The following MYO18B variants were observed in gnomAD, a reference collection of about 807,000 sequenced individuals.
MYO18B encodes the protein myosin XVIIIB.
In MYO18B, 204 loss-of-function variants were observed where a neutral mutation model predicts 273.0. The observed-to-expected ratio is 0.75, with a 90% CI of 0.67 to 0.84. The LOEUF (loss-of-function observed/expected upper bound fraction) is 0.84. Ranked by LOEUF, MYO18B falls within the 40% of genes least tolerant of loss-of-function variation. The pLI is 0.00. For synonymous variants in MYO18B, 1,330 were observed against 1,305.7 expected (o/e 1.02, Z -0.40); for missense variants, 3,212 against 3,287.6 (o/e 0.98, Z 0.56).
At position 25,763,274 on chromosome 22, in the gene MYO18B, C is replaced by T; in HGVS notation, c.83C>T (p.Pro28Leu). The T allele has an allele frequency of 6.2e-7, 1 of 1,612,178 alleles. No individual in the cohort carries two copies. Among genetic ancestry groups the T allele is most frequent in the Non-Finnish European group, 8.5e-7 (1 of 1,179,238 alleles). The change falls in exon 3 of 44, where the codon CCT becomes CTT. Residue 28 changes from proline (P) to leucine (L), a missense_variant. By Grantham distance (98) the Pro-to-Leu change is moderately conservative. Transcript: ENST00000335473. ...AGCCCTCCACCATCCTCGCCCCCTC[C>T]TCTTTTCTCTGTCATCCCAGGGGGC... ...DKSPPPSSPP[P>L]LFSVIPGGFI...
At chr22:25,972,122 A>T (rs2093041752) in intron 39 of MYO18B, among the ~76,000 whole-genome samples, 1 of 151,346 alleles carries the variant, frequency 6.6e-6, no homozygotes, top group Non-Finnish European at 1.5e-5. Flanking sequence ...CAAAAAAAAA[A>T]ATACATACAT....
In MYO18B at chr22:26,027,476, A is replaced by G; in HGVS notation, c.7502A>G (p.Asp2501Gly). 1 of 1,613,886 alleles carries G rather than the reference A, an allele frequency of 6.2e-7. No individual in the cohort carries two copies. Among genetic ancestry groups the G allele is most frequent in the Non-Finnish European group, 8.5e-7 (1 of 1,179,860 alleles). ...ILKKSPEPKE[D>G]PAHLSDSSSS... is the part of the protein sequence containing the mutation. Reference sequence around the variant, plus strand: ...AAGAAGAGCCCGGAGCCCAAGGAGGATCCCGCTCACCTGTCTGACTCGTCC... The same window carrying G: ...AAGAAGAGCCCGGAGCCCAAGGAGGGTCCCGCTCACCTGTCTGACTCGTCC... The change falls in exon 43 of 44, where the codon GAT (aspartate) becomes GGT (glycine). Residue 2501 changes from aspartate (D) to glycine (G), a missense_variant. Asp to Gly is a moderately conservative substitution (Grantham distance 94). Transcript: ENST00000335473. The surrounding 1 kb of genome is among the most constrained non-coding windows in gnomAD (Gnocchi z 4.1).
chr22:25,928,679 G>A lies in MYO18B; in HGVS notation c.5517+7270G>A, dbSNP rs189672852. ...TCCTGATACAATACAGAAGACTCCTGAAAGCCATATATAGGATTCAAATCC... is the reference window on the plus strand; with the variant it reads ...TCCTGATACAATACAGAAGACTCCTAAAAGCCATATATAGGATTCAAATCC... On this transcript the variant is annotated intron_variant, in intron 34 of 43. Transcript: ENST00000335473. 2.5e-3 allele frequency among the ~76,000 whole-genome samples: 373 copies of A among 152,232 alleles called. 1 individual carries two copies. Among genetic ancestry groups the A allele is most frequent in the African/African-American group, 8.2e-3 (339 of 41,532 alleles).
downstream of MYO18B, among the ~76,000 whole-genome samples, chr22:26,032,376 G>A (rs1224186728): frequency 1.3e-5 from 2 of 152,036 alleles, no homozygotes; most frequent in Non-Finnish European, 2.9e-5. Flanking sequence ...GTAGATAGTC[G>A]CTTTCTTGCT....
intron 34 of MYO18B, among the ~76,000 whole-genome samples, chr22:25,930,006 C>T (rs2092475173): frequency 6.6e-6 from 1 of 152,190 alleles, no homozygotes; most frequent in Non-Finnish European, 1.5e-5. Flanking sequence ...CACCTACCCT[C>T]CTGTCACCCC....
intron 39 of MYO18B, among the ~76,000 whole-genome samples, chr22:25,985,505 T>A (rs537095088): frequency 6.6e-6 from 1 of 152,230 alleles, no homozygotes; most frequent in African/African-American, 2.4e-5. Context: ...TACATTTGGG[T>A]TTTCTTAGGG....
chr22:25,827,204 G>A (rs866303295), intron 14 of MYO18B, among the ~76,000 whole-genome samples: 1 of 152,100 alleles, frequency 6.6e-6, no homozygotes, highest in Non-Finnish European at 1.5e-5. Flanking sequence ...TACTCACATG[G>A]GCCCATTGTA....
downstream of MYO18B, among the ~76,000 whole-genome samples, chr22:26,031,702 C>T (rs1936671730): frequency 6.6e-6 from 1 of 152,196 alleles, no homozygotes; most frequent in African/African-American, 2.4e-5. Flanking sequence ...CATCTCTGAT[C>T]ATCCTCACTA....
intron 3 of MYO18B, 62 bp downstream of exon 3, chr22:25,763,451 G>A: frequency 6.5e-7 from 1 of 1,543,452 alleles, no homozygotes; most frequent in East Asian, 2.3e-5. Context: ...TGTCTTGTGA[G>A]CTTCCTCTGA....
chr22:25,803,543 G>A (rs1046892232), intron 12 of MYO18B, among the ~76,000 whole-genome samples: 15 of 152,096 alleles, frequency 9.9e-5, no homozygotes, highest in East Asian at 1.9e-4. Flanking sequence ...GAGGCAGAGC[G>A]GTTCTGTGAT....
chr22:26,027,013 C>T lies in MYO18B; in HGVS notation c.7039C>T (p.Gln2347Ter), dbSNP rs572116317. ...TTLLPEKSKT[Q>*]FSSCESLLES... Reference sequence around the variant, plus strand: ...CCTACTCCCCGAAAAGTCGAAAACCCAATTCAGTTCCTGCGAGTCCCTCTT... The same window carrying T: ...CCTACTCCCCGAAAAGTCGAAAACCTAATTCAGTTCCTGCGAGTCCCTCTT... The change falls in exon 43 of 44, where the codon CAA (glutamine) becomes TAA (stop). Residue 2347 changes from glutamine to a stop codon, truncating the protein, a stop_gained. Coordinates refer to ENST00000335473, the MANE Select transcript of MYO18B (RefSeq NM_032608.7). LOFTEE classifies it low-confidence loss of function (END_TRUNC). This position sits in a 1 kb window ranked among gnomAD's most constrained non-coding sequence, Gnocchi z 4.1. The T allele has an allele frequency of 1.9e-6, 3 of 1,613,982 alleles. No individual in the cohort carries two copies. The highest frequency in any genetic ancestry group is 2.2e-5 in the East Asian group (1 of 44,870).
the MYO18B span, among the ~76,000 whole-genome samples, chr22:26,058,668 G>A: frequency 1.3e-5 from 2 of 152,080 alleles, no homozygotes; most frequent in Non-Finnish European, 2.9e-5. Context: ...CTTCCTGCAA[G>A]CGCTGGTTGT....
intron 37 of MYO18B, among the ~76,000 whole-genome samples, chr22:25,951,493 G>C (rs1026651577): frequency 1.3e-5 from 2 of 152,202 alleles, no homozygotes; most frequent in African/African-American, 4.8e-5. Flanking sequence ...CAGCCATTCA[G>C]TGCAGAATTT....
intron 30 of MYO18B, 139 bp from the exon 31 acceptor site, chr22:25,903,492 G>A (rs1418120582): frequency 2.1e-5 from 17 of 821,076 alleles, no homozygotes; most frequent in South Asian, 2.0e-4. Context: ...TGTGAGGGAC[G>A]GTGGGGTCCA....
intron 40 of MYO18B, among the ~76,000 whole-genome samples, chr22:25,997,978 C>CACACGAGAGA (rs34431605): frequency 7.1e-4 from 103 of 144,632 alleles, no homozygotes; most frequent in African/African-American, 2.4e-3. Context: ...CACACACACA[C>CACACGAGAGA]GAGAGAGAGA....
intron 39 of MYO18B, among the ~76,000 whole-genome samples, chr22:25,966,388 T>G (rs1183011927): frequency 6.6e-6 from 1 of 152,222 alleles, no homozygotes; most frequent in Non-Finnish European, 1.5e-5. Flanking sequence ...AAAAAGCCCT[T>G]GGTGTTTTCC....
intron 32 of MYO18B, 141 bp downstream of exon 32, chr22:25,908,573 G>A (rs576441589): frequency 1.6e-5 from 11 of 687,748 alleles, no homozygotes; most frequent in Middle Eastern, 4.1e-4. Flanking sequence ...CCTTAGCTTC[G>A]AAGTGACTTC....
intron 39 of MYO18B, among the ~76,000 whole-genome samples, chr22:25,989,710 A>C (rs2146833844): frequency 6.8e-6 from 1 of 146,002 alleles, no homozygotes; most frequent in Middle Eastern, 3.7e-3. Context: ...AGGCAGGAGA[A>C]TGGCTTGAAC....
In MYO18B at chr22:25,780,178, A is replaced by G. The variant is rs2087079664; in HGVS notation, c.2191A>G (p.Ile731Val). The G allele has an allele frequency of 1.9e-6, 3 of 1,605,814 alleles. No individual in the cohort carries two copies. The African/African-American group carries it at 4.0e-5, about 21-fold the overall frequency. ...GCTGGACTTCAACGCTACAGGCCGC[A>G]TCACAGCTGCTCAGCTCCAGGTGAG... ...MSLDFNATGR[I>V]TAAQLQTMLL... The change falls in exon 9 of 44, where the codon ATC becomes GTC. Residue 731 changes from isoleucine (I) to valine (V), a missense_variant. By Grantham distance (29) the Ile-to-Val change is conservative. Transcript: ENST00000335473.
Sources: allele counts gnomAD v4.1 joint callset (sites outside exome capture counted in the v4.1 genomes callset), GRCh38; gene constraint gnomAD v4.1.1; non-coding constraint Gnocchi (gnomAD v3.1); transcripts MANE v1.5; gene names NCBI Gene and HGNC (gene_info 2026-07-23, HGNC 2026-07-21).